The following PCDH15 variants were observed in gnomAD, a reference collection of about 807,000 sequenced individuals.
The protein encoded by PCDH15 is protocadherin related 15, also known as protocadherin-15.
Under a neutral mutation model 178.5 loss-of-function variants are expected in PCDH15, and 129 were observed. The ratio of observed to expected loss-of-function variants is 0.72; its 90% CI spans 0.63 to 0.84. The LOEUF (loss-of-function observed/expected upper bound fraction) is 0.84. Among genes scored for constraint, PCDH15 ranks in the 40% least tolerant of loss-of-function variants. The probability of loss-of-function intolerance (pLI) is 0.00; values close to 1 mark genes in which losing one functional copy is unlikely to be tolerated. For missense variants in PCDH15, 2,230 were observed against 2,099.9 expected (o/e 1.06, Z -1.21); for synonymous variants, 800 against 732.0 (o/e 1.09, Z -1.50).
Position 55,334,221 on chromosome 10 carries a change from C to CATATATATAT in PCDH15, c.-155-167580_-155-167571dup, listed in dbSNP as rs34468887. Among the ~76,000 whole-genome samples the CATATATATAT allele has an allele frequency of 6.7e-3, 416 of 62,528 alleles. 3 individuals are homozygous for CATATATATAT. Among genetic ancestry groups the CATATATATAT allele is most frequent in the Middle Eastern group, 0.018 (2 of 114 alleles). 41.0% of individuals were successfully genotyped at this position (62,528 alleles called of 152,430 possible). ...TCTGATGTTCATAACTAGGGTGCTC[C>CATATATATAT]ATATATATATATATATATATATGTG... On this transcript the variant is annotated intron_variant, in intron 2 of 5. Coordinates refer to the PCDH15 transcript ENST00000613346.
intron 3 of PCDH15, among the ~76,000 whole-genome samples, chr10:54,829,225 G>A (rs1411189785): frequency 6.6e-6 from 1 of 151,924 alleles, no homozygotes; most frequent in Non-Finnish European, 1.5e-5. Context: ...AATAATAGTG[G>A]TATAGTAATG....
At chr10:53,950,923 C>CCTCT (rs1564842220) in intron 23 of PCDH15, among the ~76,000 whole-genome samples, 2 of 152,170 alleles carry the variant, frequency 1.3e-5, no homozygotes, top group South Asian at 4.1e-4. Flanking sequence ...TGAGAGTATG[C>CCTCT]CTCTCAGATC....
Position 54,337,361 on chromosome 10 carries a change from G to T in PCDH15, c.595-7655C>A, listed in dbSNP as rs369065760. 1.7e-4 allele frequency among the ~76,000 whole-genome samples: 26 copies of T among 152,008 alleles called. No individual in the cohort carries two copies. The East Asian group carries it at 4.3e-3, about 25-fold the overall frequency. ...TGCCAGGTGTAGAGTAATATGATTT[G>T]GCTGAATCCCCACCCAAATCTCACC... On this transcript the variant is annotated intron_variant, in intron 6 of 37. Coordinates refer to ENST00000644397, the MANE Select transcript of PCDH15 (RefSeq NM_001384140.1).
At chr10:54,269,569 G>T (rs2057916379) in intron 8 of PCDH15, among the ~76,000 whole-genome samples, 1 of 151,956 alleles carries the variant, frequency 6.6e-6, no homozygotes, top group Admixed American at 6.6e-5. Flanking sequence ...TATGAAATAT[G>T]ATTCTTCACT....
intron 1 of PCDH15, among the ~76,000 whole-genome samples, chr10:55,289,483 G>A (rs1417915997): frequency 3.3e-5 from 5 of 151,012 alleles, no homozygotes; most frequent in Non-Finnish European, 7.4e-5. Flanking sequence ...GGAAGGGAGG[G>A]GGAGAGGAAA....
intron 1 of PCDH15, among the ~76,000 whole-genome samples, chr10:55,230,449 A>C (rs1412544829): frequency 2.6e-5 from 4 of 152,124 alleles, no homozygotes; most frequent in African/African-American, 9.7e-5. Context: ...GGATTAAGCA[A>C]TACATTTTGA....
rs964623652 is a variant in PCDH15 at position 54,741,101 on chromosome 10, C to T, written c.-29+59824G>A. ...TAATTTGATCATTACACATTGTATGCATGTATCAAAATACCATATGTACCA... is the reference window on the plus strand; with the variant it reads ...TAATTTGATCATTACACATTGTATGTATGTATCAAAATACCATATGTACCA... On this transcript the variant is annotated intron_variant, in intron 1 of 37. Transcript: ENST00000644397. Among the ~76,000 whole-genome samples, 3 of 151,548 alleles carry T rather than the reference C, an allele frequency of 2.0e-5. No individual in the cohort carries two copies. In the East Asian group the frequency reaches 5.8e-4, roughly 29 times the overall value.
Position 54,329,692 on chromosome 10 carries a change from G to A in PCDH15, c.609C>T (p.Thr203=), listed in dbSNP as rs762859513. 6.3e-7 allele frequency: 1 copy of A among 1,592,212 alleles called. No homozygotes were observed. The highest frequency in any genetic ancestry group is 1.1e-5 in the South Asian group (1 of 90,634). The change falls in exon 7 of 38, where the codon ACC becomes ACT. Residue 203 remains threonine, a synonymous_variant. Coordinates refer to ENST00000644397, the MANE Select transcript of PCDH15 (RefSeq NM_001384140.1). ...CAGTCAACATTAGGGGAATTTCAAA[G>A]GTGTCATTGGATGTCTGCAAATATT... ...YNPDDPTSND[T]FEIPLMLTGN... is the part of the protein sequence containing the mutation.
intron 25 of PCDH15, among the ~76,000 whole-genome samples, chr10:53,907,879 C>A (rs2082789764): frequency 6.6e-6 from 1 of 152,160 alleles, no homozygotes; most frequent in African/African-American, 2.4e-5. Flanking sequence ...TTAACCTCAA[C>A]TTGACTCTAT....
chr10:54,000,206 A>G (rs1031902488), intron 20 of PCDH15, among the ~76,000 whole-genome samples: 1 of 152,308 alleles, frequency 6.6e-6, no homozygotes, highest in Middle Eastern at 3.4e-3. Context: ...AGCTTTCCAA[A>G]TAACAAATAC....
intron 2 of PCDH15, among the ~76,000 whole-genome samples, chr10:55,440,830 G>C (rs1402007726): frequency 6.6e-6 from 1 of 152,252 alleles, no homozygotes; most frequent in African/African-American, 2.4e-5. Flanking sequence ...AAGCCTCACA[G>C]CCATGGCGGA....
At chr10:54,011,810 G>A (rs1226937103) in intron 20 of PCDH15, among the ~76,000 whole-genome samples, 1 of 152,204 alleles carries the variant, frequency 6.6e-6, no homozygotes, top group African/African-American at 2.4e-5. Context: ...AAATTAGACA[G>A]TTGAAAGAAC....
chr10:55,556,857 T>A (rs1350929917), intron 2 of PCDH15, among the ~76,000 whole-genome samples: 1 of 152,128 alleles, frequency 6.6e-6, no homozygotes, highest in Non-Finnish European at 1.5e-5. Context: ...AAAAAAGTTT[T>A]TTACATTTTT....
intron 2 of PCDH15, among the ~76,000 whole-genome samples, chr10:55,423,638 C>T (rs1838678826): frequency 6.6e-6 from 1 of 151,910 alleles, no homozygotes; most frequent in African/African-American, 2.4e-5. Flanking sequence ...TGATGGAAGG[C>T]CCATTCAAGG....
chr10:54,427,841 C>T (rs1272496205), intron 3 of PCDH15, among the ~76,000 whole-genome samples: 1 of 152,064 alleles, frequency 6.6e-6, no homozygotes, highest in African/African-American at 2.4e-5. Flanking sequence ...AGCATAAATT[C>T]CCTTTCCTTG....
chr10:55,027,848 T>C (rs1840514012), intron 2 of PCDH15, among the ~76,000 whole-genome samples: 1 of 151,914 alleles, frequency 6.6e-6, no homozygotes, highest in Non-Finnish European at 1.5e-5. Flanking sequence ...TATATTTTAA[T>C]ATTTTTCAAT....
intron 18 of PCDH15, among the ~76,000 whole-genome samples, chr10:54,039,104 T>C (rs1187929045): frequency 6.6e-6 from 1 of 152,052 alleles, no homozygotes; most frequent in Non-Finnish European, 1.5e-5. Flanking sequence ...ATGGCAGTTA[T>C]TATTGTCCAT....
chr10:55,505,825 C>T (rs1009485252), intron 2 of PCDH15, among the ~76,000 whole-genome samples: 6 of 151,338 alleles, frequency 4.0e-5, no homozygotes, highest in African/African-American at 1.5e-4. Flanking sequence ...ATAAACATGT[C>T]TTAAGAGAAT....
At position 54,555,584 on chromosome 10, in the gene PCDH15, A is replaced by G. The variant is rs146044493; in HGVS notation, c.92-27707T>C. Among the ~76,000 whole-genome samples the G allele has an allele frequency of 4.8e-3, 719 of 151,042 alleles. 2 individuals carry two copies. The highest frequency in any genetic ancestry group is 7.4e-3 in the Non-Finnish European group (501 of 67,662). On this transcript the variant is annotated intron_variant, in intron 2 of 37. Transcript: ENST00000644397. ...CTCTCTACTAAAAATACAAAAAAAA[A>G]AAATTGGCCGGGTGTGGTGGCAGGC...
Sources: allele counts gnomAD v4.1 joint callset (sites outside exome capture counted in the v4.1 genomes callset), GRCh38; gene constraint gnomAD v4.1.1; transcripts MANE v1.5; gene names NCBI Gene and HGNC (gene_info 2026-07-23, HGNC 2026-07-21).